PDE4D: variants seen among roughly 807,000 people sequenced by gnomAD.
The protein encoded by PDE4D is 3',5'-cyclic-AMP phosphodiesterase 4D.
PDE4D carries 24 observed loss-of-function variants against 87.4 expected under a neutral mutation model. The ratio of observed to expected loss-of-function variants is 0.27; its 90% CI spans 0.20 to 0.39. The LOEUF (loss-of-function observed/expected upper bound fraction) is 0.39, where lower values mean the gene tolerates loss of function less well. Ranked by LOEUF, PDE4D falls within the 10% of genes least tolerant of loss-of-function variation. The pLI, the probability that PDE4D is intolerant of heterozygous loss-of-function variation, is 1.00. For missense variants in PDE4D, 714 were observed against 1,041.0 expected, an observed-to-expected ratio of 0.69 and a Z score of 4.32; for synonymous variants, 384 against 383.2, an observed-to-expected ratio of 1.00 and a Z score of -0.02.
intron 6 of PDE4D, among the ~76,000 whole-genome samples, chr5:59,030,111 C>T (rs1179298087): frequency 6.6e-6 from 1 of 151,972 alleles, no homozygotes; most frequent in Non-Finnish European, 1.5e-5. Flanking sequence ...AAAATCTCCA[C>T]AACAATGGTC....
chr5:59,928,687 G>A (rs572474595), intron 3 of PDE4D, among the ~76,000 whole-genome samples: 19 of 152,112 alleles, frequency 1.2e-4, no homozygotes, highest in Middle Eastern at 3.4e-3. Flanking sequence ...AACAAATATG[G>A]TATTGATTCT....
chr5:59,931,724 C>T (rs561337849), intron 3 of PDE4D, among the ~76,000 whole-genome samples: 82 of 118,454 alleles, frequency 6.9e-4, no homozygotes, highest in Admixed American at 1.2e-3. Context: ...TTTTTTGAGA[C>T]GGAGTCTCAC....
intron 2 of PDE4D, among the ~76,000 whole-genome samples, chr5:60,060,707 G>GT (rs531644512): frequency 4.1e-4 from 62 of 152,000 alleles, no homozygotes; most frequent in African/African-American, 1.4e-3. Context: ...AATGTTTTTT[G>GT]TTTTTTCATT....
At chr5:59,484,612 G>A (rs1804793532) in intron 1 of PDE4D, among the ~76,000 whole-genome samples, 1 of 152,138 alleles carries the variant, frequency 6.6e-6, no homozygotes, top group Non-Finnish European at 1.5e-5. Flanking sequence ...CCCACCCTGA[G>A]TCAATGGCAG....
chr5:60,273,487 T>C (rs75840652), intron 1 of PDE4D, among the ~76,000 whole-genome samples: 2,080 of 152,274 alleles, frequency 0.014, 62 homozygotes, highest in East Asian at 0.13. Flanking sequence ...TAAAGAGTTT[T>C]AGATCTAAGA....
At chr5:60,235,595 C>T (rs904271253) in intron 1 of PDE4D, among the ~76,000 whole-genome samples, 1 of 151,486 alleles carries the variant, frequency 6.6e-6, no homozygotes, top group Admixed American at 6.6e-5. Flanking sequence ...TGTGAGCATG[C>T]AAATGTCAAA....
At chr5:59,420,098 G>C (rs1340668511) in intron 1 of PDE4D, among the ~76,000 whole-genome samples, 1 of 152,134 alleles carries the variant, frequency 6.6e-6, no homozygotes, top group Non-Finnish European at 1.5e-5. Flanking sequence ...ACGTGTATTT[G>C]AATTTGCATC....
chr5:60,299,826 T>C (rs1190348723), intron 1 of PDE4D, among the ~76,000 whole-genome samples: 2 of 152,204 alleles, frequency 1.3e-5, no homozygotes, highest in Non-Finnish European at 2.9e-5. Flanking sequence ...GTTGATTCCA[T>C]GTCTTTGCTT....
At chr5:59,276,689 T>A (rs1310890094) in intron 1 of PDE4D, among the ~76,000 whole-genome samples, 1 of 152,114 alleles carries the variant, frequency 6.6e-6, no homozygotes, top group Non-Finnish European at 1.5e-5. Context: ...GCACAATGTT[T>A]TCTAAACCTT....
At chr5:59,625,300 G>A (rs1485340597) in intron 1 of PDE4D, among the ~76,000 whole-genome samples, 2 of 152,156 alleles carry the variant, frequency 1.3e-5, no homozygotes, top group African/African-American at 4.8e-5. Context: ...ACAGCCAACA[G>A]CTAGCAAAAG....
At position 59,463,384 on chromosome 5, in the gene PDE4D, T is replaced by C. The variant is rs149495381; in HGVS notation, c.456-247416A>G. ...GAAAATGAGATTAAACTCACATACA[T>C]AGCATCTCCAAATAAGGTTTCTTAC... is the stretch of plus-strand genomic sequence containing the variant. On this transcript the variant is annotated intron_variant, in intron 1 of 14. Transcript: ENST00000340635. 3.3e-3 allele frequency among the ~76,000 whole-genome samples: 507 copies of C among 152,258 alleles called. 2 individuals are homozygous for C. The highest frequency in any genetic ancestry group is 0.012 in the African/African-American group (495 of 41,552).
intron 5 of PDE4D, among the ~76,000 whole-genome samples, chr5:59,154,470 C>G (rs759441403): frequency 3.3e-5 from 5 of 152,238 alleles, no homozygotes; most frequent in Non-Finnish European, 7.4e-5. Flanking sequence ...TTCAAAAACA[C>G]TATTTCAGGT....
chr5:59,024,688 C>T, intron 6 of PDE4D, among the ~76,000 whole-genome samples: 1 of 151,874 alleles, frequency 6.6e-6, no homozygotes, highest in Non-Finnish European at 1.5e-5. Context: ...ATAAAGTAAA[C>T]TAATCGTTTC....
chr5:59,900,051 CCAA>C (rs1167191275), intron 3 of PDE4D, among the ~76,000 whole-genome samples: 1 of 151,974 alleles, frequency 6.6e-6, no homozygotes, highest in Non-Finnish European at 1.5e-5. Context: ...ACCAGCCTGG[CCAA>C]CATGGTGAAA....
At chr5:59,689,417 T>C (rs1006091775) in intron 1 of PDE4D, among the ~76,000 whole-genome samples, 2 of 152,134 alleles carry the variant, frequency 1.3e-5, no homozygotes, top group Non-Finnish European at 2.9e-5. Flanking sequence ...TGGTTCAACA[T>C]ATGCAAATCA....
intron 1 of PDE4D, among the ~76,000 whole-genome samples, chr5:60,301,605 G>A (rs1463923585): frequency 6.6e-6 from 1 of 152,128 alleles, no homozygotes; most frequent in Admixed American, 6.5e-5. Context: ...AAGCTTTTGG[G>A]CTGAAACTAT....
chr5:59,128,015 CGTGTGTGTGTGTGTGTGTGT>C (rs55796726), intron 5 of PDE4D, among the ~76,000 whole-genome samples: 1 of 144,332 alleles, frequency 6.9e-6, no homozygotes, highest in Non-Finnish European at 1.5e-5. Context: ...CTTTCAGAGC[CGTGTGTGTGTGTGTGTGTGT>C]GTGTGTGTGT....
At chr5:59,371,710 A>T (rs1783967460) in intron 1 of PDE4D, among the ~76,000 whole-genome samples, 1 of 152,238 alleles carries the variant, frequency 6.6e-6, no homozygotes, top group Non-Finnish European at 1.5e-5. Context: ...AAAGTATTAG[A>T]AAAAGATAAG....
chr5:59,870,468 AT>A (rs1242793104), intron 1 of PDE4D, among the ~76,000 whole-genome samples: 58 of 152,366 alleles, frequency 3.8e-4, no homozygotes, highest in African/African-American at 1.4e-3. Context: ...GGACAATTTC[AT>A]TCATTACAGA....
Sources: allele counts gnomAD v4.1 joint callset (sites outside exome capture counted in the v4.1 genomes callset), GRCh38; gene constraint gnomAD v4.1.1; transcripts MANE v1.5; gene names NCBI Gene and HGNC (gene_info 2026-07-23, HGNC 2026-07-21).